GFRA2: variants seen among roughly 807,000 people sequenced by gnomAD.
The protein encoded by GFRA2 is GDNF family receptor alpha-2.
Under a neutral mutation model 48.3 loss-of-function variants are expected in GFRA2, and 17 were observed. That is an observed-to-expected ratio of 0.35 (90% CI 0.24 to 0.53). The LOEUF (loss-of-function observed/expected upper bound fraction) is 0.53, where lower values mean the gene tolerates loss of function less well. Ranked by LOEUF, GFRA2 falls within the 20% of genes least tolerant of loss-of-function variation. The probability of loss-of-function intolerance (pLI) is 0.93; values close to 1 mark genes in which losing one functional copy is unlikely to be tolerated. For synonymous variants in GFRA2, 305 were observed against 257.2 expected, an observed-to-expected ratio of 1.19 and a Z score of -1.78; for missense variants, 660 against 637.3, an observed-to-expected ratio of 1.04 and a Z score of -0.38.
At chr8:21,758,227 A>ACC (rs1554493927) in intron 3 of GFRA2, among the ~76,000 whole-genome samples, 37 of 84,184 alleles carry the variant, frequency 4.4e-4, no homozygotes, top group Middle Eastern at 0.011. Context: ...ACACACACAC[A>ACC]CCTCACCCAG....
At chr8:21,711,484 G>A (rs530510173) in intron 4 of GFRA2, among the ~76,000 whole-genome samples, 3 of 152,094 alleles carry the variant, frequency 2.0e-5, no homozygotes, top group Admixed American at 6.5e-5. Context: ...GTGTTTCCTT[G>A]GCAGCTGTAG....
chr8:21,692,337 G>C lies in GFRA2; in HGVS notation c.*941C>G, dbSNP rs1801915640. On this transcript the variant is annotated 3_prime_UTR_variant, in exon 9 of 9. Coordinates refer to ENST00000524240, the MANE Select transcript of GFRA2 (RefSeq NM_001495.5). Reference sequence around the variant, plus strand: ...GTACATACAGTTGACGTACGTCTAGGAAATGAGGAAAGAGAAAGGGGAAAG... The same window carrying C: ...GTACATACAGTTGACGTACGTCTAGCAAATGAGGAAAGAGAAAGGGGAAAG... 1 of 152,230 alleles carries C rather than the reference G, an allele frequency of 6.6e-6. No individual in the cohort carries two copies. Among genetic ancestry groups the C allele is most frequent in the South Asian group, 2.1e-4 (1 of 4,804 alleles). The allele number at this position is 152,230 out of a possible 1,614,324, so 9.4% of individuals were successfully genotyped here.
intron 3 of GFRA2, among the ~76,000 whole-genome samples, chr8:21,772,063 G>A (rs1447260931): frequency 6.6e-6 from 1 of 152,180 alleles, no homozygotes; most frequent in African/African-American, 2.4e-5. Flanking sequence ...TGAGCATTAA[G>A]CTGGTCTGCT....
intron 7 of GFRA2, among the ~76,000 whole-genome samples, chr8:21,697,385 T>C (rs1802260828): frequency 6.6e-6 from 1 of 151,948 alleles, no homozygotes; most frequent in Non-Finnish European, 1.5e-5. Flanking sequence ...TCTCATCTGA[T>C]GCTGATTATC....
At chr8:21,788,897 C>T (rs1009243691), upstream of GFRA2, 4 of 647,674 alleles carry the variant, frequency 6.2e-6, no homozygotes, top group Admixed American at 1.3e-4. Context: ...TCTCTCCCTC[C>T]CCCTTCTCCC....
intron 1 of GFRA2, among the ~76,000 whole-genome samples, chr8:21,808,981 G>A (rs1314495944): frequency 6.6e-6 from 1 of 152,200 alleles, no homozygotes; most frequent in Non-Finnish European, 1.5e-5. Flanking sequence ...TGCCTCAAAT[G>A]CATTGTGGAA....
In GFRA2 at chr8:21,775,011, G is replaced by C. The variant is rs1806626086; in HGVS notation, c.400C>G (p.Arg134Gly). Reference protein sequence around the residue: ...EASPYEPVTSRLSDIFRLASI... With the variant: ...EASPYEPVTSGLSDIFRLASI... ...GCAAGCCTGAAGATGTCCGAGAGGCGGGAGGTCACCGGCTCATAGGGGGAG... is the reference window on the plus strand; with the variant it reads ...GCAAGCCTGAAGATGTCCGAGAGGCCGGAGGTCACCGGCTCATAGGGGGAG... The change falls in exon 3 of 9, where the codon CGC (arginine) becomes GGC (glycine). Residue 134 changes from arginine (R) to glycine (G), a missense_variant. Physicochemically the swap from Arg to Gly is moderately radical, Grantham distance 125 (BLOSUM62 -2). Transcript: ENST00000524240. 1 of 1,606,490 alleles carries C rather than the reference G, an allele frequency of 6.2e-7. No individual in the cohort carries two copies.
Position 21,714,891 on chromosome 8 carries a change from A to T in GFRA2, c.795-8850T>A, listed in dbSNP as rs59552753. ...ATGGAGGGAAAAAAGGGTTTCCAAG[A>T]AGTGCAAATTACTCATGATAGGTTT... On this transcript the variant is annotated intron_variant, in intron 4 of 8. Transcript: ENST00000524240. 7.8e-4 allele frequency among the ~76,000 whole-genome samples: 119 copies of T among 152,288 alleles called. 1 individual carries two copies. In the East Asian group the frequency reaches 0.022, roughly 28 times the overall value.
upstream of GFRA2, among the ~76,000 whole-genome samples, chr8:21,793,734 C>T (rs1807618778): frequency 6.6e-6 from 1 of 152,082 alleles, no homozygotes; most frequent in East Asian, 1.9e-4. Context: ...CAATTCTGTG[C>T]CTTGTATCGG....
In GFRA2 at chr8:21,772,471, C is replaced by A. The variant is rs1159676586; in HGVS notation, c.439+2501G>T. Reference sequence around the variant, plus strand: ...GGCAAGCGTGAGCCACTGTGCCCAGCCCCAGCTTGGTTTCTTGGTAGCAGG... The same window carrying A: ...GGCAAGCGTGAGCCACTGTGCCCAGACCCAGCTTGGTTTCTTGGTAGCAGG... On this transcript the variant is annotated intron_variant, in intron 3 of 8. Transcript: ENST00000524240. Among the ~76,000 whole-genome samples, 5 of 152,276 alleles carry A rather than the reference C, an allele frequency of 3.3e-5. No individual in the cohort carries two copies. The East Asian group carries it at 5.8e-4, about 18-fold the overall frequency.
Position 21,750,684 on chromosome 8 carries a change from C to T in GFRA2, c.698G>A (p.Arg233His), listed in dbSNP as rs1697598504. 5 of 1,613,698 alleles carry T rather than the reference C, an allele frequency of 3.1e-6. No homozygotes were observed. The highest frequency in any genetic ancestry group is 2.2e-5 in the South Asian group (2 of 91,090). The change falls in exon 4 of 9, where the codon CGC becomes CAC. Residue 233 changes from arginine to histidine, a missense_variant. Coordinates refer to ENST00000524240, the MANE Select transcript of GFRA2 (RefSeq NM_001495.5). This position sits in a 1 kb window ranked among gnomAD's most constrained non-coding sequence, Gnocchi z 5.7. ...SCQDQACAER[R>H]RQTILPSCSY... ...GCAGCTGGGCAGGATGGTTTGCCGG[C>T]GGCGCTCAGCGCACGCCTGGTCTTG... is the stretch of plus-strand genomic sequence containing the variant.
At chr8:21,729,594 AC>A (rs1804077733) in intron 4 of GFRA2, among the ~76,000 whole-genome samples, 1 of 152,284 alleles carries the variant, frequency 6.6e-6, no homozygotes, top group East Asian at 1.9e-4. Context: ...CAGTTTCCTT[AC>A]AGAAGGAGCA....
At chr8:21,723,358 C>T (rs1025296833) in intron 4 of GFRA2, among the ~76,000 whole-genome samples, 45 of 151,970 alleles carry the variant, frequency 3.0e-4, no homozygotes, top group African/African-American at 1.1e-3. Context: ...TATAGAAGTA[C>T]AAGGTACCAA....
At chr8:21,784,916 C>G (rs1807193649) in intron 1 of GFRA2, among the ~76,000 whole-genome samples, 1 of 152,280 alleles carries the variant, frequency 6.6e-6, no homozygotes, top group Non-Finnish European at 1.5e-5. Context: ...GCCGGGCCCC[C>G]CAAGAGCAGC....
chr8:21,702,924 C>T lies in GFRA2; in HGVS notation c.1099G>A (p.Gly367Ser), dbSNP rs772161245. The stretch of plus-strand genomic sequence containing the variant: ...GCCTGGGTGGCCTGGAACGAGGGGC[C>T]TTTTGGGGACACGTTCACGTCCGTG... ...NGTDVNVSPK[G>S]PSFQATQAPR... Residue 367 changes from glycine to serine, a missense_variant, in exon 7 of 9, where the codon GGC (glycine) becomes AGC (serine). Physicochemically the swap from Gly to Ser is moderately conservative, Grantham distance 56. Transcript: ENST00000524240. 31 of 1,581,540 alleles carry T rather than the reference C, an allele frequency of 2.0e-5. No individual in the cohort carries two copies. The South Asian group carries it at 2.8e-4, about 14-fold the overall frequency.
At chr8:21,727,875 T>C (rs1339396837) in intron 4 of GFRA2, among the ~76,000 whole-genome samples, 1 of 152,138 alleles carries the variant, frequency 6.6e-6, no homozygotes, top group African/African-American at 2.4e-5. Flanking sequence ...ATTTTCGTAG[T>C]AAAAATGCCA....
In GFRA2 at chr8:21,693,342, C is replaced by G. The variant is rs1482085397; in HGVS notation, c.1331G>C (p.Ser444Thr). The G allele has an allele frequency of 3.7e-6, 6 of 1,613,486 alleles. No homozygotes were observed. In the Admixed American group the frequency reaches 6.7e-5, roughly 18 times the overall value. The change falls in exon 9 of 9, where the codon AGC becomes ACC. Residue 444 changes from serine (S) to threonine (T), a missense_variant. By Grantham distance (58) the Ser-to-Thr change is moderately conservative. Coordinates refer to ENST00000524240, the MANE Select transcript of GFRA2 (RefSeq NM_001495.5). The part of the protein sequence containing the change: ...NKVIKPNSGP[S>T]RARPSAALTV... ...CAAGGCAGCCGACGGTCTGGCTCTG[C>G]TGGGGCCTGAGTTAGGTTTGATCAC... is the stretch of plus-strand genomic sequence containing the variant.
intron 2 of GFRA2, among the ~76,000 whole-genome samples, chr8:21,780,056 CT>C (rs147236279): frequency 0.33 from 47,316 of 145,378 alleles, 7,591 homozygotes; most frequent in Middle Eastern, 0.38. Flanking sequence ...CCTCTCCCAT[CT>C]TTTTTTTTTT....
intron 4 of GFRA2, among the ~76,000 whole-genome samples, chr8:21,746,063 C>A (rs1413670084): frequency 6.6e-6 from 1 of 152,202 alleles, no homozygotes; most frequent in Admixed American, 6.5e-5. Flanking sequence ...CTTGGTTCAG[C>A]ATCCTCATTT....
Sources: allele counts gnomAD v4.1 joint callset (sites outside exome capture counted in the v4.1 genomes callset), GRCh38; gene constraint gnomAD v4.1.1; non-coding constraint Gnocchi (gnomAD v3.1); transcripts MANE v1.5; gene names NCBI Gene and HGNC (gene_info 2026-07-23, HGNC 2026-07-21).